RFFL: variants seen among roughly 807,000 people sequenced by gnomAD.
The protein encoded by RFFL is E3 ubiquitin-protein ligase rififylin.
In RFFL, 16 loss-of-function variants were observed where a neutral mutation model predicts 40.4. That is an observed-to-expected ratio of 0.40 (90% CI 0.27 to 0.60). The LOEUF (loss-of-function observed/expected upper bound fraction) is 0.60, where lower values mean the gene tolerates loss of function less well. RFFL is among the 20% of genes least tolerant of loss of function. The pLI is 0.47. For synonymous variants in RFFL, 154 were observed against 167.9 expected (o/e 0.92, Z 0.64); for missense variants, 367 against 451.7 (o/e 0.81, Z 1.70).
chr17:35,028,402 G>C (rs1036869333), intron 1 of RFFL, among the ~76,000 whole-genome samples: 1 of 152,000 alleles, frequency 6.6e-6, no homozygotes, highest in Non-Finnish European at 1.5e-5. Context: ...CAGGTACTGG[G>C]GACAAAGGGC....
At chr17:35,071,739 C>A (rs2091351957) in intron 1 of RFFL, among the ~76,000 whole-genome samples, 1 of 152,144 alleles carries the variant, frequency 6.6e-6, no homozygotes. Flanking sequence ...TGTGTCCATA[C>A]AATCACCTGT....
chr17:35,020,557 G>A (rs969621239), intron 3 of RFFL, among the ~76,000 whole-genome samples: 1 of 151,600 alleles, frequency 6.6e-6, no homozygotes, highest in Admixed American at 6.6e-5. Context: ...TCCACAAAAC[G>A]AGTCCTTGGT....
chr17:35,077,295 C>T (rs2091382078), intron 1 of RFFL, among the ~76,000 whole-genome samples: 1 of 152,002 alleles, frequency 6.6e-6, no homozygotes, highest in Non-Finnish European at 1.5e-5. Flanking sequence ...CCTCTGATAT[C>T]AAGTTCTTAA....
In RFFL at chr17:35,049,932, A is replaced by C. The variant is rs367822527; in HGVS notation, c.-9+13644T>G. ...CCCTGTCTCTACTAAAAATACAAAA[A>C]TTAGCCAGGCATGGTGGTGGGCACC... On this transcript the variant is annotated intron_variant, in intron 1 of 6. Coordinates refer to ENST00000394597, the MANE Select transcript of RFFL (RefSeq NM_001017368.2). Among the ~76,000 whole-genome samples, 214 of 152,188 alleles carry C rather than the reference A, an allele frequency of 1.4e-3. 1 individual carries two copies. The highest frequency in any genetic ancestry group is 5.1e-3 in the African/African-American group (211 of 41,520).
intron 1 of RFFL, among the ~76,000 whole-genome samples, chr17:35,037,196 A>G (rs1356149188): frequency 2.0e-5 from 3 of 152,208 alleles, no homozygotes; most frequent in African/African-American, 7.2e-5. Context: ...TGACATGACA[A>G]ATCAGAAAAG....
chr17:35,026,407 G>T lies in RFFL; in HGVS notation c.147C>A (p.Ser49=). The T allele has an allele frequency of 6.2e-7, 1 of 1,614,002 alleles. No homozygotes were observed. Among genetic ancestry groups the T allele is most frequent in the Non-Finnish European group, 8.5e-7 (1 of 1,179,946 alleles). The change falls in exon 2 of 7, where the codon TCC becomes TCA. Residue 49 remains serine, a synonymous_variant. Coordinates refer to ENST00000394597, the MANE Select transcript of RFFL (RefSeq NM_001017368.2). ...SPTGLEPSCK[S]CGAHFANTAR... ...CCGTGTTTGCAAAGTGAGCCCCACAGGACTTGCAGCTTGGTTCCAAGCCTG... is the reference window on the plus strand; with the variant it reads ...CCGTGTTTGCAAAGTGAGCCCCACATGACTTGCAGCTTGGTTCCAAGCCTG...
chr17:35,071,364 T>C (rs2091349765), intron 1 of RFFL, among the ~76,000 whole-genome samples: 1 of 152,108 alleles, frequency 6.6e-6, no homozygotes, highest in Non-Finnish European at 1.5e-5. Flanking sequence ...ACCCCTGTCA[T>C]GCCAGCACTT....
intron 2 of RFFL, among the ~76,000 whole-genome samples, chr17:35,022,928 G>A (rs1477004343): frequency 6.6e-6 from 1 of 152,220 alleles, no homozygotes; most frequent in African/African-American, 2.4e-5. Context: ...GCAGCAGCTA[G>A]TCTGGCAGTC....
intron 1 of RFFL, chr17:35,069,325 T>C: frequency 4.4e-6 from 2 of 456,650 alleles, no homozygotes; most frequent in East Asian, 6.9e-5. Context: ...TAGGGGGCCT[T>C]TGTCAACACG....
intron 1 of RFFL, among the ~76,000 whole-genome samples, chr17:35,042,823 CAAAAAAAA>C (rs11296826): frequency 9.1e-4 from 55 of 60,480 alleles, no homozygotes; most frequent in African/African-American, 2.6e-3. Flanking sequence ...GACTCCATCT[CAAAAAAAA>C]AAAAAAAAAA....
chr17:35,009,606 GTTGT>G lies in RFFL; in HGVS notation c.*2358_*2361del, dbSNP rs2090922849. On this transcript the variant is annotated 3_prime_UTR_variant, in exon 7 of 7. Coordinates refer to ENST00000394597, the MANE Select transcript of RFFL (RefSeq NM_001017368.2). ...TGATGCAAAAAAAAAAAAAATCAGG[GTTGT>G]TTGACACCTTTTTTCCTAAAGGGAA... is the stretch of plus-strand genomic sequence containing the variant. 2 of 151,926 alleles carry G rather than the reference GTTGT, an allele frequency of 1.3e-5. No homozygotes were observed. Among genetic ancestry groups the G allele is most frequent in the Non-Finnish European group, 2.9e-5 (2 of 68,004 alleles). The allele number at this position is 151,926 out of a possible 1,614,324, so 9.4% of individuals were successfully genotyped here. A position where few individuals can be genotyped will look rare whatever the true frequency, so the allele number is the denominator to read the frequency against.
intron 6 of RFFL, 120 bp from the exon 7 acceptor site, chr17:35,012,269 A>G (rs924649434): frequency 2.6e-6 from 2 of 774,178 alleles, no homozygotes; most frequent in Non-Finnish European, 4.0e-6. Context: ...ACAAAGTCTC[A>G]GTGCACATGC....
At chr17:35,059,731 T>C (rs9890959) in intron 1 of RFFL, among the ~76,000 whole-genome samples, 2 of 152,174 alleles carry the variant, frequency 1.3e-5, no homozygotes, top group African/African-American at 4.8e-5. Context: ...TGAAGAATAA[T>C]TAATAAAAAT....
chr17:35,088,811 A>AG (rs1244876775), intron 1 of RFFL: 2 of 152,320 alleles, frequency 1.3e-5, no homozygotes, highest in African/African-American at 4.8e-5. Flanking sequence ...GCCGGTCTGC[A>AG]GGGCGCTTGG....
intron 1 of RFFL, among the ~76,000 whole-genome samples, chr17:35,057,903 A>G (rs1194899375): frequency 6.6e-6 from 1 of 152,024 alleles, no homozygotes; most frequent in Non-Finnish European, 1.5e-5. Context: ...GCCTTTTATG[A>G]GGCAGACACT....
intron 1 of RFFL, among the ~76,000 whole-genome samples, chr17:35,078,596 C>G (rs1306822838): frequency 6.6e-6 from 1 of 152,142 alleles, no homozygotes; most frequent in African/African-American, 2.4e-5. Context: ...GCCACCAGGC[C>G]CGGCCCAGAA....
At chr17:35,055,244 A>G (rs572693789) in intron 1 of RFFL, among the ~76,000 whole-genome samples, 2 of 152,174 alleles carry the variant, frequency 1.3e-5, no homozygotes, top group African/African-American at 4.8e-5. Context: ...CTTCTGATGG[A>G]TAAATGTGTG....
rs1001032002 is a variant in RFFL, at chr17:35,010,271, C to T, written c.*1697G>A. On this transcript the variant is annotated 3_prime_UTR_variant, in exon 7 of 7. Transcript: ENST00000394597. Reference sequence around the variant, plus strand: ...AAGGGGTGGGAGGTGTCTGCCAAGGCGTTTAGGGTTTGCATAGTTCATCCA... The same window carrying T: ...AAGGGGTGGGAGGTGTCTGCCAAGGTGTTTAGGGTTTGCATAGTTCATCCA... 3 of 152,116 alleles carry T rather than the reference C, an allele frequency of 2.0e-5. No individual in the cohort carries two copies. The highest frequency in any genetic ancestry group is 1.9e-4 in the East Asian group (1 of 5,196). 9.4% of individuals were successfully genotyped at this position (152,116 alleles called of 1,614,324 possible). A position where few individuals can be genotyped will look rare whatever the true frequency, so the allele number is the denominator to read the frequency against.
intron 1 of RFFL, among the ~76,000 whole-genome samples, chr17:35,083,868 G>GC (rs542346947): frequency 3.5e-4 from 53 of 151,370 alleles, no homozygotes; most frequent in East Asian, 5.9e-4. Context: ...AGGAGATAAT[G>GC]CCCCCCCCAC....
Sources: allele counts gnomAD v4.1 joint callset (sites outside exome capture counted in the v4.1 genomes callset), GRCh38; gene constraint gnomAD v4.1.1; transcripts MANE v1.5; gene names NCBI Gene and HGNC (gene_info 2026-07-23, HGNC 2026-07-21).